ERI2: variants seen among roughly 807,000 people sequenced by gnomAD.
ERI2 encodes ERI1 exoribonuclease family member 2, also known as ERI1 exoribonuclease 2.
A neutral mutation model predicts 46.8 loss-of-function variants in ERI2; 35 were observed. The observed-to-expected ratio is 0.75, with a 90% CI of 0.57 to 0.99. The LOEUF is 0.99. Ranked by LOEUF, ERI2 falls within the 50% of genes least tolerant of loss-of-function variation. The probability of loss-of-function intolerance (pLI) is 0.00; values close to 1 mark genes in which losing one functional copy is unlikely to be tolerated. For missense variants in ERI2, 695 were observed against 796.2 expected, an observed-to-expected ratio of 0.87 and a Z score of 1.53; for synonymous variants, 224 against 271.0, an observed-to-expected ratio of 0.83 and a Z score of 1.70.
rs375388882 is a variant in ERI2, at chr16:20,790,822, T to C, written c.815+28A>G. On this transcript the variant is annotated intron_variant, in intron 9 of 10. Transcript: ENST00000300005. This position sits in a 1 kb window ranked among gnomAD's most constrained non-coding sequence, Gnocchi z 4.0. The stretch of plus-strand genomic sequence containing the variant: ...AGAGATTGGTTGTCCTGAATAGTAA[T>C]CCAAAAGACAAGAAATTGAAGAAAT... 1.6e-4 allele frequency: 254 copies of C among 1,613,674 alleles called. No homozygotes were observed. The highest frequency in any genetic ancestry group is 1.5e-4 in the Non-Finnish European group (173 of 1,179,906).
chr16:20,785,457 T>G (rs1439417793), intron 10 of ERI2, among the ~76,000 whole-genome samples: 2 of 152,196 alleles, frequency 1.3e-5, no homozygotes, highest in African/African-American at 4.8e-5. Context: ...GCTGAGATCC[T>G]TGCTGCCTGA....
intron 7 of ERI2, 83 bp downstream of exon 7, chr16:20,799,874 T>C (rs1282275283): frequency 2.5e-6 from 2 of 793,348 alleles, no homozygotes; most frequent in East Asian, 2.5e-5. Context: ...TATCCCTTAC[T>C]AATGACATTA....
At chr16:20,806,294 C>A (rs1189927684) in intron 1 of ERI2, 114 bp downstream of exon 1, 2 of 1,472,730 alleles carry the variant, frequency 1.4e-6, no homozygotes, top group Non-Finnish European at 1.8e-6. Context: ...GACGCCGGGG[C>A]TGCGGGGAAT....
Position 20,790,605 on chromosome 16 carries a change from A to G in ERI2, c.815+245T>C. The G allele has an allele frequency of 4.3e-6, 7 of 1,614,088 alleles. No individual in the cohort carries two copies. The highest frequency in any genetic ancestry group is 5.9e-6 in the Non-Finnish European group (7 of 1,179,926). On this transcript the variant is annotated intron_variant, in intron 9 of 10. Transcript: ENST00000300005. The surrounding 1 kb of genome is among the most constrained non-coding windows in gnomAD (Gnocchi z 4.0). ...ATCCTAGATTGTAGATGTAAATGGC[A>G]ATGTTCTACCTCCTGGACAAGAAGG... is the stretch of plus-strand genomic sequence containing the variant.
downstream of ERI2, among the ~76,000 whole-genome samples, chr16:20,794,152 A>G (rs531693791): frequency 1.3e-5 from 2 of 152,304 alleles, no homozygotes; most frequent in African/African-American, 2.4e-5. Flanking sequence ...TGCCAGGCCT[A>G]TTCTACCTGG....
Position 20,797,566 on chromosome 16 carries a change from T to C in ERI2, c.*158A>G, listed in dbSNP as rs1364601712. 3.1e-6 allele frequency: 4 copies of C among 1,278,366 alleles called. No individual in the cohort carries two copies. The highest frequency in any genetic ancestry group is 3.7e-5 in the Admixed American group (1 of 26,874). 79.2% of individuals were successfully genotyped at this position (1,278,366 alleles called of 1,614,324 possible). A position where few individuals can be genotyped will look rare whatever the true frequency, so the allele number is the denominator to read the frequency against. On this transcript the variant is annotated 3_prime_UTR_variant, in exon 9 of 9. Coordinates refer to ENST00000357967, the MANE Select transcript of ERI2 (RefSeq NM_001142725.2). ...TGCTTATTATATGTAATCTAATAAA[T>C]ACTGTTTACAAAAGATTACACTTGT...
chr16:20,795,469 T>C (rs1355580435), downstream of ERI2, among the ~76,000 whole-genome samples: 3 of 152,238 alleles, frequency 2.0e-5, no homozygotes, highest in Non-Finnish European at 4.4e-5. Context: ...TTGTTTCAAA[T>C]AATTCCTTTT....
Position 20,798,123 on chromosome 16 carries a change from TG to T in ERI2, c.1676del (p.Ser559TyrfsTer7). 1 of 1,551,542 alleles carries T rather than the reference TG, an allele frequency of 6.4e-7. No homozygotes were observed. The highest frequency in any genetic ancestry group is 8.7e-7 in the Non-Finnish European group (1 of 1,146,908). ...AACTTCTTACTGGGGAGCAATCAGATGATGTAGGCTTTTCTTCATGAATAGT... is the reference window on the plus strand; with the variant it reads ...AACTTCTTACTGGGGAGCAATCAGATATGTAGGCTTTTCTTCATGAATAGT... ...PFTIHEEKPTSSDCSPVRSSS... is the reference protein window; with the variant it reads ...PFTIHEEKPTXSDCSPVRSSS... On this transcript the variant is annotated frameshift_variant, in exon 9 of 9. Coordinates refer to ENST00000357967, the MANE Select transcript of ERI2 (RefSeq NM_001142725.2). LOFTEE classifies it high-confidence loss of function.
intron 10 of ERI2, chr16:20,785,934 C>T: frequency 2.0e-6 from 1 of 500,282 alleles, no homozygotes; most frequent in Non-Finnish European, 3.5e-6. Flanking sequence ...TATGTTATCA[C>T]TACATTCCAT....
At chr16:20,787,699 G>A (rs1377253211) in intron 10 of ERI2, among the ~76,000 whole-genome samples, 1 of 152,188 alleles carries the variant, frequency 6.6e-6, no homozygotes, top group Non-Finnish European at 1.5e-5. Context: ...TAACCTTGCT[G>A]TGGAAACCTG....
At position 20,802,873 on chromosome 16, in the gene ERI2, C is replaced by G; in HGVS notation, c.226G>C (p.Glu76Gln). ...TGAGGTTGAACATAAGCCTGGAACT[C>G]AGAGTCAATCTGTCCAGTTGATGTG... is the stretch of plus-strand genomic sequence containing the variant. ...LNTSTGQIDS[E>Q]FQAYVQPQEH... Residue 76 changes from glutamate to glutamine, a missense_variant, in exon 4 of 9, where the codon GAG becomes CAG. Glu to Gln is a conservative substitution (Grantham distance 29, BLOSUM62 2). Transcript: ENST00000357967. The G allele has an allele frequency of 6.2e-7, 1 of 1,611,256 alleles. No individual in the cohort carries two copies. Among genetic ancestry groups the G allele is most frequent in the Non-Finnish European group, 8.5e-7 (1 of 1,177,950 alleles).
At position 20,797,020 on chromosome 16, in the gene ERI2, C is replaced by T; in HGVS notation, c.*704G>A. On this transcript the variant is annotated 3_prime_UTR_variant, in exon 9 of 9. Transcript: ENST00000357967. ...TCTATAAAACAAACATAGTATCTGT[C>T]AATCTCTAGAAACCACAAGATGATG... 6.3e-7 allele frequency: 1 copy of T among 1,592,642 alleles called. No homozygotes were observed. The highest frequency in any genetic ancestry group is 8.5e-7 in the Non-Finnish European group (1 of 1,172,472).
intron 8 of ERI2, chr16:20,791,015 G>T: frequency 7.0e-7 from 1 of 1,435,894 alleles, no homozygotes; most frequent in Non-Finnish European, 9.6e-7. Context: ...AATCCAGTTA[G>T]TGCTCTTTCT....
At position 20,798,155 on chromosome 16, in the gene ERI2, GTTGT is replaced by G. The variant is rs771299644; in HGVS notation, c.1641_1644del (p.Lys547AsnfsTer18). 6.4e-7 allele frequency: 1 copy of G among 1,551,600 alleles called. No individual in the cohort carries two copies. Among genetic ancestry groups the G allele is most frequent in the South Asian group, 1.2e-5 (1 of 84,056 alleles). ...GGCTTTTCTTCATGAATAGTGAAGG[GTTGT>G]TTTTTTGCTGGTGGGAAAGCTTGGG... On this transcript the variant is annotated frameshift_variant, in exon 9 of 9. Coordinates refer to ENST00000357967, the MANE Select transcript of ERI2 (RefSeq NM_001142725.2). LOFTEE classifies it high-confidence loss of function.
chr16:20,800,797 G>A (rs368996324), intron 5 of ERI2: 1 of 176,130 alleles, frequency 5.7e-6, no homozygotes, highest in East Asian at 1.5e-4. Context: ...ACTATTAACA[G>A]CAATGCTCTA....
In ERI2 at chr16:20,803,496, T is replaced by C. The variant is rs764791567; in HGVS notation, c.112A>G (p.Ile38Val). The C allele has an allele frequency of 5.0e-6, 8 of 1,613,938 alleles. No homozygotes were observed. The South Asian group carries it at 7.7e-5, about 16-fold the overall frequency. Reference protein sequence around the residue: ...SKSKQLFDYLIVIDFESTCWN... With the variant: ...SKSKQLFDYLVVIDFESTCWN... ...CATGTCGATTCAAAATCAATGACAA[T>C]TAAGTAGTCAAACAACTGCTCTGCA... Residue 38 changes from isoleucine (I) to valine (V), a missense_variant, in exon 3 of 9, where the codon ATT becomes GTT. Physicochemically the swap from Ile to Val is conservative, Grantham distance 29. Transcript: ENST00000357967.
At chr16:20,785,119 C>T (rs1372740283) in intron 10 of ERI2, 1 of 1,612,336 alleles carries the variant, frequency 6.2e-7, no homozygotes, top group Non-Finnish European at 8.5e-7. Flanking sequence ...TACCTGACCT[C>T]ACTGAAAAGA....
intron 7 of ERI2, 127 bp from the exon 8 acceptor site, chr16:20,799,478 C>T (rs1278823943): frequency 1.2e-6 from 1 of 850,840 alleles, no homozygotes; most frequent in Non-Finnish European, 1.8e-6. Context: ...GTTTTATGAC[C>T]ATCTACTAAT....
intron 10 of ERI2, chr16:20,781,806 T>C: frequency 6.4e-7 from 1 of 1,561,298 alleles, no homozygotes; most frequent in South Asian, 1.1e-5. Context: ...TGTTAGTAAA[T>C]AGGCATCTAG....
Sources: allele counts gnomAD v4.1 joint callset (sites outside exome capture counted in the v4.1 genomes callset), GRCh38; gene constraint gnomAD v4.1.1; non-coding constraint Gnocchi (gnomAD v3.1); transcripts MANE v1.5; gene names NCBI Gene and HGNC (gene_info 2026-07-23, HGNC 2026-07-21).